The following RBFOX1 variants were observed in gnomAD, a reference collection of about 807,000 sequenced individuals.
RBFOX1 encodes the protein RNA binding fox-1 homolog 1.
RBFOX1 carries 8 observed loss-of-function variants against 57.7 expected under a neutral mutation model. The observed-to-expected ratio is 0.14, with a 90% CI of 0.08 to 0.25. The LOEUF is 0.25. Among genes scored for constraint, RBFOX1 ranks in the 10% least tolerant of loss-of-function variants. The pLI, the probability that RBFOX1 is intolerant of heterozygous loss-of-function variation, is 1.00. For missense variants in RBFOX1, 611 were observed against 548.5 expected, an observed-to-expected ratio of 1.11 and a Z score of -1.14; for synonymous variants, 326 against 222.4, an observed-to-expected ratio of 1.47 and a Z score of -4.15.
At chr16:7,060,877 T>C (rs549717111) in intron 4 of RBFOX1, among the ~76,000 whole-genome samples, 1 of 152,310 alleles carries the variant, frequency 6.6e-6, no homozygotes, top group East Asian at 1.9e-4. Context: ...TTCTTTGCAT[T>C]AACTTTCCAA....
chr16:6,415,146 G>A (rs1395419621), intron 2 of RBFOX1, among the ~76,000 whole-genome samples: 2 of 151,038 alleles, frequency 1.3e-5, no homozygotes, highest in Non-Finnish European at 2.9e-5. Flanking sequence ...GGGAGGCTGA[G>A]GCAGGAGAAT....
At chr16:6,764,664 C>T (rs1255439806) in intron 3 of RBFOX1, among the ~76,000 whole-genome samples, 2 of 152,012 alleles carry the variant, frequency 1.3e-5, no homozygotes, top group South Asian at 2.1e-4. Flanking sequence ...GGGCTGGGTG[C>T]AGTGGCTCAC....
chr16:7,466,947 C>G (rs549014105), intron 4 of RBFOX1, among the ~76,000 whole-genome samples: 4 of 152,298 alleles, frequency 2.6e-5, no homozygotes, highest in African/African-American at 9.6e-5. Context: ...TTAATCAACA[C>G]ATATTTACAG....
intron 1 of RBFOX1, among the ~76,000 whole-genome samples, chr16:6,095,239 C>T (rs998164484): frequency 5.9e-5 from 9 of 152,234 alleles, no homozygotes; most frequent in East Asian, 1.9e-4. Flanking sequence ...CCAAGTAAAA[C>T]ATTTAAAGTA....
At chr16:6,572,524 G>A (rs1040010129) in intron 2 of RBFOX1, among the ~76,000 whole-genome samples, 2 of 151,962 alleles carry the variant, frequency 1.3e-5, no homozygotes, top group East Asian at 1.9e-4. Flanking sequence ...AGCGTGAACC[G>A]TAGCATAGCC....
intron 4 of RBFOX1, among the ~76,000 whole-genome samples, chr16:7,082,102 C>T (rs142069871): frequency 1.3e-5 from 2 of 152,154 alleles, no homozygotes; most frequent in African/African-American, 4.8e-5. Context: ...CTGGGAGAAC[C>T]ACTCTGGAGA....
At chr16:6,118,230 C>G (rs748307715) in intron 1 of RBFOX1, among the ~76,000 whole-genome samples, 5 of 152,178 alleles carry the variant, frequency 3.3e-5, no homozygotes, top group African/African-American at 9.7e-5. Flanking sequence ...TACTCTTTTT[C>G]TCTTCCAGGA....
At chr16:6,850,421 C>G (rs1336019049) in intron 3 of RBFOX1, among the ~76,000 whole-genome samples, 1 of 152,018 alleles carries the variant, frequency 6.6e-6, no homozygotes, top group East Asian at 1.9e-4. Flanking sequence ...AGGTGATGTT[C>G]AAGCTGAGGG....
At chr16:6,945,574 T>C (rs1051311257) in intron 3 of RBFOX1, among the ~76,000 whole-genome samples, 1 of 152,090 alleles carries the variant, frequency 6.6e-6, no homozygotes, top group Non-Finnish European at 1.5e-5. Flanking sequence ...TTTGCATCTT[T>C]GATGTTTATT....
intron 4 of RBFOX1, among the ~76,000 whole-genome samples, chr16:7,344,976 G>C (rs2096967152): frequency 6.6e-6 from 1 of 151,232 alleles, no homozygotes; most frequent in Admixed American, 6.5e-5. Context: ...AGGAGGCCTT[G>C]TTCCCCATGG....
At chr16:7,478,437 A>G (rs781495144) in intron 4 of RBFOX1, among the ~76,000 whole-genome samples, 1 of 152,170 alleles carries the variant, frequency 6.6e-6, no homozygotes, top group African/African-American at 2.4e-5. Flanking sequence ...TAGTGTAGCA[A>G]TCTGAGCTGC....
intron 1 of RBFOX1, among the ~76,000 whole-genome samples, chr16:5,399,059 T>C (rs989630663): frequency 6.6e-6 from 1 of 152,176 alleles, no homozygotes; most frequent in Non-Finnish European, 1.5e-5. Flanking sequence ...AGACCCCTTC[T>C]TAACTTGGTG....
intron 2 of RBFOX1, among the ~76,000 whole-genome samples, chr16:6,636,337 A>AT (rs529772013): frequency 1.5e-3 from 224 of 151,982 alleles, no homozygotes; most frequent in African/African-American, 5.3e-3. Context: ...CACACGGCTA[A>AT]TTTTTTGTAT....
At chr16:6,602,914 A>G (rs941426481) in intron 2 of RBFOX1, among the ~76,000 whole-genome samples, 4 of 152,138 alleles carry the variant, frequency 2.6e-5, no homozygotes, top group African/African-American at 9.7e-5. Context: ...AAATCCTGTC[A>G]CTAATAAAAC....
chr16:7,569,265 G>A (rs1349753309), intron 5 of RBFOX1, among the ~76,000 whole-genome samples: 2 of 152,170 alleles, frequency 1.3e-5, no homozygotes, highest in African/African-American at 2.4e-5. Flanking sequence ...GATCAGAAGT[G>A]TAGCATGGGA....
At chr16:7,368,557 T>C (rs2097506730) in intron 4 of RBFOX1, among the ~76,000 whole-genome samples, 1 of 151,866 alleles carries the variant, frequency 6.6e-6, no homozygotes. Context: ...GGTGGGCAGA[T>C]CATGAGGTCA....
intron 14 of RBFOX1, among the ~76,000 whole-genome samples, chr16:7,677,240 C>T (rs900503739): frequency 9.9e-5 from 15 of 151,726 alleles, no homozygotes; most frequent in African/African-American, 3.6e-4. Flanking sequence ...CATGATCCTA[C>T]AAGGTTTACT....
chr16:6,847,750 T>C (rs961412859), intron 3 of RBFOX1, among the ~76,000 whole-genome samples: 11 of 152,156 alleles, frequency 7.2e-5, no homozygotes, highest in Admixed American at 6.5e-4. Context: ...ATTTTTATTC[T>C]GTTTTAAAAC....
intron 3 of RBFOX1, among the ~76,000 whole-genome samples, chr16:6,732,191 C>G (rs960315145): frequency 6.6e-6 from 1 of 152,162 alleles, no homozygotes; most frequent in Admixed American, 6.5e-5. Flanking sequence ...TTGACTTTCC[C>G]TGCTTACTCA....
Sources: allele counts gnomAD v4.1 joint callset (sites outside exome capture counted in the v4.1 genomes callset), GRCh38; gene constraint gnomAD v4.1.1; transcripts MANE v1.5; gene names NCBI Gene and HGNC (gene_info 2026-07-23, HGNC 2026-07-21).